Variants in UNC13C observed in about 807,000 individuals in gnomAD.
UNC13C encodes the protein protein unc-13 homolog C.
In UNC13C, 174 loss-of-function variants were observed where a neutral mutation model predicts 245.4. That is an observed-to-expected ratio of 0.71 (90% CI 0.63 to 0.80). The LOEUF (loss-of-function observed/expected upper bound fraction) is 0.80. Among genes scored for constraint, UNC13C ranks in the 30% least tolerant of loss-of-function variants. UNC13C has a pLI of 0.00. For missense variants in UNC13C, 2,829 were observed against 2,602.9 expected (o/e 1.09, Z -1.89); for synonymous variants, 992 against 895.1 (o/e 1.11, Z -1.93).
At chr15:53,903,918 G>A in the UNC13C span, among the ~76,000 whole-genome samples, 2 of 152,180 alleles carry the variant, frequency 1.3e-5, no homozygotes, top group African/African-American at 4.8e-5. Flanking sequence ...AGAGCAATTA[G>A]TATTTAGATC....
chr15:53,893,117 T>C, the UNC13C span, among the ~76,000 whole-genome samples: 4 of 152,214 alleles, frequency 2.6e-5, no homozygotes, highest in African/African-American at 9.6e-5. Context: ...GCTCCTCTGC[T>C]GAAGATCTGC....
chr15:54,353,735 T>G (rs1488329868), intron 17 of UNC13C, among the ~76,000 whole-genome samples: 1 of 152,226 alleles, frequency 6.6e-6, no homozygotes, highest in Non-Finnish European at 1.5e-5. Context: ...CCAGCTTTCC[T>G]CTGACCTCAC....
intron 4 of UNC13C, among the ~76,000 whole-genome samples, chr15:54,163,754 C>T (rs939557259): frequency 6.6e-6 from 1 of 152,102 alleles, no homozygotes. Flanking sequence ...TAAGAGATCA[C>T]CATCTTTTTT....
intron 28 of UNC13C, among the ~76,000 whole-genome samples, chr15:54,553,232 T>G (rs1896929573): frequency 8.6e-6 from 1 of 116,602 alleles, no homozygotes; most frequent in Non-Finnish European, 1.6e-5. Flanking sequence ...ATATATTGTA[T>G]TCTATATTAC....
chr15:54,127,758 T>TAA (rs1567034827), intron 2 of UNC13C, among the ~76,000 whole-genome samples: 1 of 55,656 alleles, frequency 1.8e-5, no homozygotes. Context: ...TCATATATAT[T>TAA]TATGTATAAT....
chr15:53,981,622 TA>T (rs373526893), intron 1 of UNC13C, among the ~76,000 whole-genome samples: 47 of 152,034 alleles, frequency 3.1e-4, no homozygotes, highest in African/African-American at 9.2e-4. Context: ...TCTTCTAGCT[TA>T]AAAAAAAGGA....
chr15:54,004,571 T>C, intron 1 of UNC13C, among the ~76,000 whole-genome samples: 1 of 152,236 alleles, frequency 6.6e-6, no homozygotes, highest in East Asian at 1.9e-4. Context: ...TTTTAGTTTT[T>C]TGAGGAACCT....
the UNC13C span, among the ~76,000 whole-genome samples, chr15:53,857,221 G>C: frequency 1.2e-4 from 18 of 152,282 alleles, no homozygotes; most frequent in African/African-American, 4.3e-4. Context: ...TCAGGAGGCT[G>C]TCTGATTCGT....
intron 2 of UNC13C, among the ~76,000 whole-genome samples, chr15:54,079,980 T>A (rs1424346978): frequency 1.2e-4 from 18 of 146,796 alleles, no homozygotes; most frequent in Admixed American, 1.2e-3. Context: ...TTGAGGTACT[T>A]CCTTCAAGGC....
chr15:54,433,709 A>G (rs1386682157), intron 19 of UNC13C, among the ~76,000 whole-genome samples: 2 of 152,240 alleles, frequency 1.3e-5, no homozygotes, highest in East Asian at 1.9e-4. Flanking sequence ...CTTTTATTCA[A>G]CGTAGTATTG....
intron 17 of UNC13C, among the ~76,000 whole-genome samples, chr15:54,364,620 G>A (rs949085752): frequency 1.3e-5 from 2 of 152,160 alleles, no homozygotes; most frequent in Admixed American, 6.6e-5. Flanking sequence ...TCACTGTAGT[G>A]ACTTTTTTGT....
At chr15:54,584,575 G>C (rs1428609094) in intron 30 of UNC13C, among the ~76,000 whole-genome samples, 2 of 152,184 alleles carry the variant, frequency 1.3e-5, no homozygotes, top group Non-Finnish European at 1.5e-5. Flanking sequence ...AAGAGTAAAA[G>C]AATAGACAGA....
intron 2 of UNC13C, among the ~76,000 whole-genome samples, chr15:54,098,097 G>C (rs943609868): frequency 1.3e-5 from 2 of 152,210 alleles, no homozygotes; most frequent in Non-Finnish European, 1.5e-5. Context: ...GAGTGGCCAG[G>C]ACAGGCCATT....
rs576931039 is a variant in UNC13C, at chr15:54,161,396, A to G, written c.3071+17712A>G. ...CTGCCAGGTACATGGACATCGTTTG[A>G]CAGTGGTACAAGTCCGCTATTTGAC... is the stretch of plus-strand genomic sequence containing the variant. On this transcript the variant is annotated intron_variant, in intron 4 of 32. Transcript: ENST00000260323. 2.0e-5 allele frequency among the ~76,000 whole-genome samples: 3 copies of G among 152,298 alleles called. No homozygotes were observed. In the East Asian group the frequency reaches 5.8e-4, roughly 29 times the overall value.
chr15:53,955,399 G>T, the UNC13C span, among the ~76,000 whole-genome samples: 2 of 151,896 alleles, frequency 1.3e-5, no homozygotes. Flanking sequence ...TATGAGATGG[G>T]GTTATTAAAA....
the UNC13C span, among the ~76,000 whole-genome samples, chr15:53,916,832 G>A: frequency 7.2e-5 from 11 of 152,126 alleles, no homozygotes; most frequent in African/African-American, 2.4e-4. Context: ...TTCCCGGATC[G>A]GATCCCACCA....
chr15:53,921,047 T>C, the UNC13C span, among the ~76,000 whole-genome samples: 1 of 151,868 alleles, frequency 6.6e-6, no homozygotes. Context: ...CTAGGTGTTT[T>C]CTAGGCAGTG....
chr15:53,973,783 A>T (rs1471009332), upstream of UNC13C, among the ~76,000 whole-genome samples: 6 of 152,202 alleles, frequency 3.9e-5, no homozygotes, highest in African/African-American at 1.4e-4. Context: ...CCGTCCCACC[A>T]AACAGCATTC....
At chr15:54,274,022 G>C (rs1336889756) in intron 10 of UNC13C, among the ~76,000 whole-genome samples, 1 of 152,158 alleles carries the variant, frequency 6.6e-6, no homozygotes, top group Non-Finnish European at 1.5e-5. Flanking sequence ...ACTCTCCACA[G>C]TGTTACAGAC....
Sources: allele counts gnomAD v4.1 joint callset (sites outside exome capture counted in the v4.1 genomes callset), GRCh38; gene constraint gnomAD v4.1.1; transcripts MANE v1.5; gene names NCBI Gene and HGNC (gene_info 2026-07-23, HGNC 2026-07-21).